Variants in NAA50 observed in about 807,000 individuals in gnomAD.
NAA50 encodes N-alpha-acetyltransferase 50, NatE catalytic subunit.
A neutral mutation model predicts 20.7 loss-of-function variants in NAA50; 7 were observed. The ratio of observed to expected loss-of-function variants is 0.34; its 90% CI spans 0.19 to 0.63. NAA50 has a LOEUF of 0.63. Ranked by LOEUF, NAA50 falls within the 30% of genes least tolerant of loss-of-function variation. NAA50 has a pLI of 0.75. For missense variants in NAA50, 111 were observed against 199.1 expected (o/e 0.56, Z 2.66); for synonymous variants, 54 against 70.6 (o/e 0.77, Z 1.18).
At chr3:113,723,135 C>T (rs1243175341) in intron 3 of NAA50, among the ~76,000 whole-genome samples, 163 bp from the exon 4 acceptor site, 3 of 152,120 alleles carry the variant, frequency 2.0e-5, no homozygotes, top group African/African-American at 4.8e-5. Context: ...TCTACAATAG[C>T]TACGTATGTT....
intron 1 of NAA50, among the ~76,000 whole-genome samples, chr3:113,743,659 T>C (rs1708450525): frequency 6.6e-6 from 1 of 152,238 alleles, no homozygotes; most frequent in African/African-American, 2.4e-5. Flanking sequence ...GTTAAAGGGA[T>C]TATTCCTGTG....
At chr3:113,736,994 T>A (rs1708352268) in intron 1 of NAA50, among the ~76,000 whole-genome samples, 1 of 152,182 alleles carries the variant, frequency 6.6e-6, no homozygotes, top group Non-Finnish European at 1.5e-5. Context: ...TACTCCCCCT[T>A]CATTTTACAG....
intron 1 of NAA50, among the ~76,000 whole-genome samples, chr3:113,726,087 A>G (rs533556470): frequency 2.8e-4 from 43 of 152,244 alleles, no homozygotes; most frequent in African/African-American, 9.6e-4. Flanking sequence ...TTATACCACT[A>G]ATCTGTATTA....
At chr3:113,726,462 T>C (rs1708200692) in intron 1 of NAA50, among the ~76,000 whole-genome samples, 1 of 150,002 alleles carries the variant, frequency 6.7e-6, no homozygotes, top group African/African-American at 2.5e-5. Flanking sequence ...CTGGGCTCAC[T>C]TTCCCCACTA....
At chr3:113,734,294 TACTAG>T in intron 1 of NAA50, among the ~76,000 whole-genome samples, 1 of 152,036 alleles carries the variant, frequency 6.6e-6, no homozygotes, top group East Asian at 1.9e-4. Flanking sequence ...TACTGGGGAC[TACTAG>T]AAGAGGGAGA....
Position 113,744,420 on chromosome 3 carries a change from C to T in NAA50, c.8+1522G>A, listed in dbSNP as rs555165367. On this transcript the variant is annotated intron_variant, in intron 1 of 4. Transcript: ENST00000240922. The stretch of plus-strand genomic sequence containing the variant: ...CAAAGGTTGCAGTGGGCCGAGATAG[C>T]GCCACTGCACTCCAGCCTGGGCAAC... Among the ~76,000 whole-genome samples, 296 of 151,262 alleles carry T rather than the reference C, an allele frequency of 2.0e-3. 2 individuals carry two copies. The highest frequency in any genetic ancestry group is 3.6e-3 in the Non-Finnish European group (247 of 67,812).
rs146165253 is a variant in NAA50 at position 113,718,587 on chromosome 3, C to A, written c.*3173G>T. 6.6e-6 allele frequency: 1 copy of A among 152,182 alleles called. No homozygotes were observed. The highest frequency in any genetic ancestry group is 1.9e-4 in the East Asian group (1 of 5,182). 9.4% of individuals were successfully genotyped at this position (152,182 alleles called of 1,614,324 possible). ...TGATAAAAAGCTTAAAAGCCAATTC[C>A]CAACTCATTGAACTACCGTACTCCT... On this transcript the variant is annotated 3_prime_UTR_variant, in exon 5 of 5. Coordinates refer to ENST00000240922, the MANE Select transcript of NAA50 (RefSeq NM_025146.4).
intron 1 of NAA50, among the ~76,000 whole-genome samples, chr3:113,726,153 T>C (rs932133362): frequency 2.6e-5 from 4 of 152,144 alleles, no homozygotes; most frequent in Non-Finnish European, 4.4e-5. Flanking sequence ...AATCTGAACA[T>C]AGTTTCTTAG....
intron 1 of NAA50, among the ~76,000 whole-genome samples, chr3:113,725,015 CT>C (rs1266870364): frequency 6.6e-6 from 1 of 152,192 alleles, no homozygotes; most frequent in Admixed American, 6.5e-5. Flanking sequence ...TCGGGTATGT[CT>C]TTATTAGCAG....
intron 1 of NAA50, among the ~76,000 whole-genome samples, chr3:113,740,489 C>A (rs1450003501): frequency 1.3e-5 from 2 of 151,830 alleles, no homozygotes; most frequent in Admixed American, 1.3e-4. Flanking sequence ...AACTTGACTT[C>A]CCAAGTAGCT....
In NAA50 at chr3:113,718,497, T is replaced by C. The variant is rs1708091407; in HGVS notation, c.*3263A>G. 1 of 152,212 alleles carries C rather than the reference T, an allele frequency of 6.6e-6. No homozygotes were observed. The allele number at this position is 152,212 out of a possible 1,614,324, so 9.4% of individuals were successfully genotyped here. A position where few individuals can be genotyped will look rare whatever the true frequency, so the allele number is the denominator to read the frequency against. On this transcript the variant is annotated 3_prime_UTR_variant, in exon 5 of 5. Transcript: ENST00000240922. ...AATGAAAAAAGCAAAAATCTAATTA[T>C]AACAATTTTGACTAGAAATATTAAA... is the stretch of plus-strand genomic sequence containing the variant.
intron 1 of NAA50, among the ~76,000 whole-genome samples, chr3:113,738,498 C>G (rs1370366137): frequency 6.6e-6 from 1 of 152,186 alleles, no homozygotes; most frequent in Non-Finnish European, 1.5e-5. Flanking sequence ...TCTTTATGTC[C>G]TATTTTAATC....
chr3:113,729,778 G>C (rs1311328605), intron 1 of NAA50, among the ~76,000 whole-genome samples: 2 of 151,716 alleles, frequency 1.3e-5, no homozygotes, highest in African/African-American at 2.4e-5. Context: ...GGCTGGTCTT[G>C]AACTCCTGAA....
chr3:113,746,142 C>G lies in NAA50; in HGVS notation c.-193G>C, dbSNP rs559923662. 7 of 611,748 alleles carry G rather than the reference C, an allele frequency of 1.1e-5. No individual in the cohort carries two copies. The South Asian group carries it at 1.5e-4, about 13-fold the overall frequency. 37.9% of individuals were successfully genotyped at this position (611,748 alleles called of 1,614,324 possible). A position where few individuals can be genotyped will look rare whatever the true frequency, so the allele number is the denominator to read the frequency against. ...TTGAGTCTGGTGGGGGCGGGAGTGT[C>G]TCCCGCCGCCGCGCTTGTGCCGCCG... On this transcript the variant is annotated 5_prime_UTR_variant, in exon 1 of 5. Coordinates refer to ENST00000240922, the MANE Select transcript of NAA50 (RefSeq NM_025146.4).
At position 113,717,230 on chromosome 3, in the gene NAA50, G is replaced by C. The variant is rs1035005122; in HGVS notation, c.*4530C>G. The C allele has an allele frequency of 5.3e-5, 8 of 152,256 alleles. No individual in the cohort carries two copies. Among genetic ancestry groups the C allele is most frequent in the African/African-American group, 1.9e-4 (8 of 41,438 alleles). The allele number at this position is 152,256 out of a possible 1,614,324, so 9.4% of individuals were successfully genotyped here. A position where few individuals can be genotyped will look rare whatever the true frequency, so the allele number is the denominator to read the frequency against. On this transcript the variant is annotated 3_prime_UTR_variant, in exon 5 of 5. Coordinates refer to ENST00000240922, the MANE Select transcript of NAA50 (RefSeq NM_025146.4). ...ATGCGCTTTCTAGTCGCAGCTACTT[G>C]GGAGGCTCAGGCAGAATTGCTTGAA...
intron 1 of NAA50, among the ~76,000 whole-genome samples, chr3:113,725,161 A>T (rs1366449773): frequency 1.3e-5 from 2 of 152,248 alleles, no homozygotes; most frequent in Admixed American, 1.3e-4. Flanking sequence ...TTCTGCCTGC[A>T]GAGCTGTAAA....
At chr3:113,745,823 A>C (rs1313320808) in intron 1 of NAA50, 119 bp downstream of exon 1, 25 of 1,211,774 alleles carry the variant, frequency 2.1e-5, no homozygotes, top group Non-Finnish European at 2.7e-5. Context: ...GAAGCAGAGA[A>C]ATCTCCCTCC....
At position 113,746,086 on chromosome 3, in the gene NAA50, G is replaced by A; in HGVS notation, c.-137C>T. 1 of 1,160,568 alleles carries A rather than the reference G, an allele frequency of 8.6e-7. No homozygotes were observed. The highest frequency in any genetic ancestry group is 1.4e-5 in the South Asian group (1 of 70,360). 71.9% of individuals were successfully genotyped at this position (1,160,568 alleles called of 1,614,324 possible). A position where few individuals can be genotyped will look rare whatever the true frequency, so the allele number is the denominator to read the frequency against. The stretch of plus-strand genomic sequence containing the variant: ...CTAGCCTGGGCAGGGAGCTGTGCGA[G>A]CAACGAAGGCCGCGAGAGTCGAGTG... On this transcript the variant is annotated 5_prime_UTR_variant, in exon 1 of 5. Transcript: ENST00000240922.
rs1708107772 is a variant in NAA50, at chr3:113,719,633, C to T, written c.*2127G>A. 6.6e-6 allele frequency: 1 copy of T among 152,376 alleles called. No individual in the cohort carries two copies. Among genetic ancestry groups the T allele is most frequent in the Non-Finnish European group, 1.5e-5 (1 of 67,992 alleles). 9.4% of individuals were successfully genotyped at this position (152,376 alleles called of 1,614,324 possible). ...ACAATTCAGGTTAAGTCACTGACTA[C>T]CGTGGAAAAAGAAACTCTATATATA... On this transcript the variant is annotated 3_prime_UTR_variant, in exon 5 of 5. Transcript: ENST00000240922.
Sources: allele counts gnomAD v4.1 joint callset (sites outside exome capture counted in the v4.1 genomes callset), GRCh38; gene constraint gnomAD v4.1.1; transcripts MANE v1.5; gene names NCBI Gene and HGNC (gene_info 2026-07-23, HGNC 2026-07-21).